Variants in IL16 observed in about 807,000 individuals in gnomAD.
IL16 encodes the protein pro-interleukin-16.
Under a neutral mutation model 110.1 loss-of-function variants are expected in IL16, and 67 were observed. The observed-to-expected ratio is 0.61, with a 90% CI of 0.50 to 0.75. The LOEUF is 0.75. Among genes scored for constraint, IL16 ranks in the 30% least tolerant of loss-of-function variants. IL16 has a pLI of 0.00. For synonymous variants in IL16, 689 were observed against 662.9 expected, an observed-to-expected ratio of 1.04 and a Z score of -0.61; for missense variants, 1,545 against 1,655.0, an observed-to-expected ratio of 0.93 and a Z score of 1.15.
intron 1 of IL16, among the ~76,000 whole-genome samples, chr15:81,201,375 C>A (rs1386312609): frequency 6.6e-6 from 1 of 152,090 alleles, no homozygotes; most frequent in East Asian, 1.9e-4. Flanking sequence ...GCCAAAGACT[C>A]CATAATGCTC....
At chr15:81,219,814 G>T (rs190704129) in intron 1 of IL16, among the ~76,000 whole-genome samples, 2 of 152,254 alleles carry the variant, frequency 1.3e-5, no homozygotes, top group East Asian at 3.9e-4. Context: ...TGATGTTGGT[G>T]CAGGAAAAGT....
intron 1 of IL16, among the ~76,000 whole-genome samples, chr15:81,224,618 C>T (rs1208715530): frequency 6.6e-6 from 1 of 152,216 alleles, no homozygotes; most frequent in African/African-American, 2.4e-5. Flanking sequence ...TGTGCTCATC[C>T]CTTTGGCAGG....
chr15:81,307,602 G>A (rs995862438), intron 18 of IL16, among the ~76,000 whole-genome samples: 3 of 152,312 alleles, frequency 2.0e-5, no homozygotes, highest in Middle Eastern at 6.8e-3. Context: ...ATGTCAAGAG[G>A]ACTAGATTCC....
rs979252777 is a variant in IL16 at position 81,232,271 on chromosome 15, C to G, written c.312+6560C>G. Among the ~76,000 whole-genome samples, 12 of 152,098 alleles carry G rather than the reference C, an allele frequency of 7.9e-5. 1 individual carries two copies. Among genetic ancestry groups the G allele is most frequent in the Middle Eastern group, 3.4e-3 (1 of 294 alleles). ...TTGTTTATTTTTCAGCATATCCAAT[C>G]GTTACCTACCATTTCTGAATAAGCG... is the stretch of plus-strand genomic sequence containing the variant. On this transcript the variant is annotated intron_variant, in intron 2 of 18. Transcript: ENST00000683961.
rs1900710126 is a variant in IL16, at chr15:81,308,884, C to T, written c.*86C>T. On this transcript the variant is annotated 3_prime_UTR_variant, in exon 19 of 19. Transcript: ENST00000683961. ...TGATTCTCAGGGTCTCTGCTGCCGC[C>T]CCACCCAGATGGGGGAAAGCACAGG... The T allele has an allele frequency of 8.0e-7, 1 of 1,249,172 alleles. No homozygotes were observed. Among genetic ancestry groups the T allele is most frequent in the Non-Finnish European group, 1.1e-6 (1 of 901,492 alleles). The allele number at this position is 1,249,172 out of a possible 1,614,324, so 77.4% of individuals were successfully genotyped here. A position where few individuals can be genotyped will look rare whatever the true frequency, so the allele number is the denominator to read the frequency against.
intron 2 of IL16, among the ~76,000 whole-genome samples, chr15:81,247,070 CTTTTCCTTTTTT>C (rs1897578826): frequency 9.3e-6 from 1 of 107,608 alleles, no homozygotes; most frequent in South Asian, 3.0e-4. Context: ...TCTTTCTTTT[CTTTTCCTTTTTT>C]TTTTTTTTTT....
At chr15:81,256,458 C>T (rs569124832) in intron 2 of IL16, among the ~76,000 whole-genome samples, 1 of 152,076 alleles carries the variant, frequency 6.6e-6, no homozygotes, top group Admixed American at 6.6e-5. Flanking sequence ...CTCAGCCTCC[C>T]AAGTAGCTGG....
rs367756905 is a variant in IL16, at chr15:81,187,014, C to T, written c.40+4118C>T. Among the ~76,000 whole-genome samples the T allele has an allele frequency of 7.9e-5, 12 of 152,138 alleles. No homozygotes were observed. In the East Asian group the frequency reaches 2.3e-3, roughly 29 times the overall value. On this transcript the variant is annotated intron_variant, in intron 1 of 18. Coordinates refer to the IL16 transcript ENST00000302987. ...TAAGTTGGGGATTAAATAAAGAGTA[C>T]CTGAGGGCCCAAAGTAGCCCCCCTG... is the stretch of plus-strand genomic sequence containing the variant.
chr15:81,303,346 A>ATT lies in IL16; in HGVS notation c.3319-194_3319-193dup. 9.5e-6 allele frequency: 5 copies of ATT among 527,898 alleles called. No homozygotes were observed. The highest frequency in any genetic ancestry group is 1.4e-5 in the Non-Finnish European group (4 of 294,950). 32.7% of individuals were successfully genotyped at this position (527,898 alleles called of 1,614,324 possible). ...TAATTATGCTTGCTGCTTTACATAC[A>ATT]TTTTTTTTTTCTTCTAAGCTTCCCA... On this transcript the variant is annotated intron_variant, in intron 15 of 18. Coordinates refer to ENST00000683961, the MANE Select transcript of IL16 (RefSeq NM_172217.5). This position sits in a 1 kb window ranked among gnomAD's most constrained non-coding sequence, Gnocchi z 4.1.
At chr15:81,272,922 G>GT (rs1898708042) in intron 5 of IL16, among the ~76,000 whole-genome samples, 168 bp from the exon 6 acceptor site, 2 of 149,974 alleles carry the variant, frequency 1.3e-5, no homozygotes, top group Admixed American at 6.6e-5. Context: ...GTTGTTGTTG[G>GT]TGTTGTTGTT....
At position 81,231,967 on chromosome 15, in the gene IL16, G is replaced by T. The variant is rs527383322; in HGVS notation, c.312+6256G>T. Among the ~76,000 whole-genome samples, 108 of 145,610 alleles carry T rather than the reference G, an allele frequency of 7.4e-4. 1 individual carries two copies. Among genetic ancestry groups the T allele is most frequent in the Non-Finnish European group, 1.4e-3 (90 of 66,356 alleles). On this transcript the variant is annotated intron_variant, in intron 2 of 18. Coordinates refer to ENST00000683961, the MANE Select transcript of IL16 (RefSeq NM_172217.5). The stretch of plus-strand genomic sequence containing the variant: ...TTAGTCTTTTATTTTTCCTATTTTT[G>T]CACAGTTCAATTTACTGAAGCTTTC...
At chr15:81,204,684 G>A (rs185267793) in intron 1 of IL16, among the ~76,000 whole-genome samples, 26 of 151,190 alleles carry the variant, frequency 1.7e-4, no homozygotes, top group African/African-American at 4.9e-4. Context: ...ACATGTATAC[G>A]TATGTAACAA....
Position 81,299,500 on chromosome 15 carries a change from T to C in IL16, c.2174T>C (p.Phe725Ser), listed in dbSNP as rs147576772. The C allele has an allele frequency of 1.1e-5, 17 of 1,614,018 alleles. No homozygotes were observed. The highest frequency in any genetic ancestry group is 2.7e-5 in the African/African-American group (2 of 74,904). ...ATTTCTGACTGCATCAAAAACTTAT[T>C]TAGCCCCATCATGAGTGAGAACCAT... is the stretch of plus-strand genomic sequence containing the variant. Reference protein sequence around the residue: ...VRISDCIKNLFSPIMSENHGH... With the variant: ...VRISDCIKNLSSPIMSENHGH... The change falls in exon 14 of 19, where the codon TTT (phenylalanine) becomes TCT (serine). Residue 725 changes from phenylalanine to serine, a missense_variant. This residue lies in a region of IL16 where 1,185 missense variants were observed against 1,238.8 expected (regional missense o/e 0.96). Transcript: ENST00000683961.
intron 1 of IL16, among the ~76,000 whole-genome samples, chr15:81,207,508 C>A (rs764724011): frequency 5.9e-5 from 9 of 151,826 alleles, no homozygotes; most frequent in African/African-American, 2.2e-4. Flanking sequence ...TTTTAACCCA[C>A]GCCCCACCTC....
intron 2 of IL16, among the ~76,000 whole-genome samples, chr15:81,240,213 A>T (rs2142097157): frequency 6.6e-6 from 1 of 152,076 alleles, no homozygotes; most frequent in South Asian, 2.1e-4. Flanking sequence ...TGAGTTTTCC[A>T]TTGTGTGAAA....
intron 2 of IL16, among the ~76,000 whole-genome samples, chr15:81,246,409 G>A (rs67940821): frequency 0.15 from 22,958 of 152,036 alleles, 2,016 homozygotes; most frequent in Middle Eastern, 0.21. Flanking sequence ...TTCAGATAGC[G>A]TATAAAATGA....
At chr15:81,302,001 G>C (rs1205783718) in intron 15 of IL16, 2 of 153,492 alleles carry the variant, frequency 1.3e-5, no homozygotes, top group African/African-American at 4.8e-5. Flanking sequence ...AAGTCATTCT[G>C]AAAGTCTCAC....
intron 2 of IL16, among the ~76,000 whole-genome samples, chr15:81,227,064 G>T (rs566258821): frequency 1.3e-5 from 2 of 152,220 alleles, no homozygotes; most frequent in African/African-American, 4.8e-5. Context: ...TTAAGATAGA[G>T]TGAAAAATAC....
chr15:81,212,944 T>A (rs1398565218), intron 1 of IL16, among the ~76,000 whole-genome samples: 1 of 152,214 alleles, frequency 6.6e-6, no homozygotes. Context: ...GTTTGTTCTT[T>A]TTTTGTTCTA....
Sources: allele counts gnomAD v4.1 joint callset (sites outside exome capture counted in the v4.1 genomes callset), GRCh38; gene constraint gnomAD v4.1.1; regional missense constraint gnomAD v4.1.1; non-coding constraint Gnocchi (gnomAD v3.1); transcripts MANE v1.5; gene names NCBI Gene and HGNC (gene_info 2026-07-23, HGNC 2026-07-21).